The following ADAMTSL1 variants were observed in gnomAD, a reference collection of about 807,000 sequenced individuals.
ADAMTSL1 encodes the protein ADAMTS-like protein 1.
ADAMTSL1 carries 126 observed loss-of-function variants against 201.8 expected under a neutral mutation model. The observed-to-expected ratio is 0.62, with a 90% CI of 0.54 to 0.72. The LOEUF is 0.72. ADAMTSL1 is among the 30% of genes least tolerant of loss of function. The probability of loss-of-function intolerance (pLI) is 0.00; values close to 1 mark genes in which losing one functional copy is unlikely to be tolerated. For missense variants in ADAMTSL1, 2,679 were observed against 2,277.8 expected, an observed-to-expected ratio of 1.18 and a Z score of -3.59; for synonymous variants, 1,121 against 903.4, an observed-to-expected ratio of 1.24 and a Z score of -4.32.
intron 1 of ADAMTSL1, among the ~76,000 whole-genome samples, chr9:18,480,324 C>T (rs1397142610): frequency 6.6e-6 from 1 of 152,082 alleles, no homozygotes; most frequent in Non-Finnish European, 1.5e-5. Context: ...CTATATGGCA[C>T]TTGTAGGCCT....
chr9:18,770,696 T>A lies in ADAMTSL1; in HGVS notation c.2312T>A (p.Phe771Tyr). 1 of 1,613,800 alleles carries A rather than the reference T, an allele frequency of 6.2e-7. No individual in the cohort carries two copies. Among genetic ancestry groups the A allele is most frequent in the Non-Finnish European group, 8.5e-7 (1 of 1,179,846 alleles). The change falls in exon 17 of 29, where the codon TTC becomes TAC. Residue 771 changes from phenylalanine to tyrosine, a missense_variant. Coordinates refer to ENST00000380548, the MANE Select transcript of ADAMTSL1 (RefSeq NM_001040272.6). ...AGCTTCCTGGAGCTTCCTGAGACCT[T>A]CTGTTCAGCTTCAAAACCTGCCTGC... Reference protein sequence around the residue: ...DGSFLELPETFCSASKPACQQ... With the variant: ...DGSFLELPETYCSASKPACQQ...
In ADAMTSL1 at chr9:18,826,823, T is replaced by C. The variant is rs1824602446; in HGVS notation, c.4114+360T>C. On this transcript the variant is annotated intron_variant, in intron 22 of 28. Transcript: ENST00000380548. ...CAATTGTCCTTAACTCTTCCTGCAT[T>C]AAGGACTTCTTTGAGAATCAGATAA... Among the ~76,000 whole-genome samples the C allele has an allele frequency of 2.6e-5, 4 of 152,248 alleles. No homozygotes were observed. In the South Asian group the frequency reaches 8.3e-4, roughly 31 times the overall value.
intron 2 of ADAMTSL1, among the ~76,000 whole-genome samples, chr9:18,522,711 A>C (rs7019410): frequency 3.3e-5 from 5 of 150,322 alleles, no homozygotes; most frequent in Admixed American, 6.6e-5. Context: ...TTTTCCCTGC[A>C]ATAGTTTGCT....
At chr9:18,543,628 G>T (rs1820293904) in intron 3 of ADAMTSL1, among the ~76,000 whole-genome samples, 1 of 152,126 alleles carries the variant, frequency 6.6e-6, no homozygotes, top group African/African-American at 2.4e-5. Context: ...GAAAATATTT[G>T]CAGCAATTAC....
chr9:18,396,880 C>T lies in ADAMTSL1; in HGVS notation c.208-107949C>T, dbSNP rs118134126. On this transcript the variant is annotated intron_variant, in intron 2 of 29. Coordinates refer to the ADAMTSL1 transcript ENST00000680146. Reference sequence around the variant, plus strand: ...GACCCTGTCTCTTTTTGTTTAAAAACAAAAGCAAGAAACAAAACCTTAGTA... The same window carrying T: ...GACCCTGTCTCTTTTTGTTTAAAAATAAAAGCAAGAAACAAAACCTTAGTA... Among the ~76,000 whole-genome samples, 691 of 152,240 alleles carry T rather than the reference C, an allele frequency of 4.5e-3. 2 individuals carry two copies. Among genetic ancestry groups the T allele is most frequent in the Middle Eastern group, 0.01 (3 of 294 alleles).
chr9:18,179,394 G>T (rs1467500850), intron 2 of ADAMTSL1, among the ~76,000 whole-genome samples: 2 of 152,190 alleles, frequency 1.3e-5, no homozygotes, highest in African/African-American at 2.4e-5. Flanking sequence ...CCAAATCTAC[G>T]TCTGACTGGT....
At chr9:18,771,383 T>C (rs1024020262) in intron 17 of ADAMTSL1, among the ~76,000 whole-genome samples, 1 of 152,254 alleles carries the variant, frequency 6.6e-6, no homozygotes, top group African/African-American at 2.4e-5. Context: ...CCCGACTTTA[T>C]CTGCTAAGTT....
chr9:18,474,069 C>A (rs1049151697), upstream of ADAMTSL1: 9 of 578,242 alleles, frequency 1.6e-5, no homozygotes, highest in East Asian at 6.0e-5. Context: ...GCTTACCCCC[C>A]ACCCATCCAC....
chr9:18,861,862 A>G (rs1173521405), intron 23 of ADAMTSL1, among the ~76,000 whole-genome samples: 1 of 152,048 alleles, frequency 6.6e-6, no homozygotes, highest in Non-Finnish European at 1.5e-5. Context: ...CATGGCTCTC[A>G]TCCCTACTTC....
chr9:18,109,374 T>C lies in ADAMTSL1; in HGVS notation c.88-54488T>C, dbSNP rs977163458. On this transcript the variant is annotated intron_variant, in intron 1 of 29. Coordinates refer to the ADAMTSL1 transcript ENST00000680146. ...GGAAGAGTTTGGAGCCTGCACACAG[T>C]AGCCCAGGAAGTAGCTGACTGCAGT... 2.1e-4 allele frequency among the ~76,000 whole-genome samples: 32 copies of C among 152,104 alleles called. 1 individual carries two copies. Among genetic ancestry groups the C allele is most frequent in the African/African-American group, 7.5e-4 (31 of 41,434 alleles).
At chr9:18,562,869 G>C (rs895212793) in intron 3 of ADAMTSL1, among the ~76,000 whole-genome samples, 1 of 152,128 alleles carries the variant, frequency 6.6e-6, no homozygotes, top group Non-Finnish European at 1.5e-5. Context: ...GCACCATCAG[G>C]TCATTTATGT....
chr9:18,164,098 T>A (rs544740562), intron 2 of ADAMTSL1: 1 of 151,976 alleles, frequency 6.6e-6, no homozygotes, highest in Admixed American at 6.6e-5. Flanking sequence ...TTTTCTCACA[T>A]CTGTGAGAGG....
At chr9:18,169,995 A>T (rs981812730) in intron 2 of ADAMTSL1, among the ~76,000 whole-genome samples, 4 of 152,040 alleles carry the variant, frequency 2.6e-5, no homozygotes, top group African/African-American at 9.7e-5. Flanking sequence ...AGAAGCATAG[A>T]TTTGGTTACA....
intron 26 of ADAMTSL1, among the ~76,000 whole-genome samples, chr9:18,902,312 T>TC (rs1830059266): frequency 6.6e-6 from 1 of 152,204 alleles, no homozygotes; most frequent in Non-Finnish European, 1.5e-5. Context: ...ACTTGTTTTT[T>TC]CTCAAGTGCA....
intron 2 of ADAMTSL1, among the ~76,000 whole-genome samples, chr9:18,206,131 T>C (rs780130989): frequency 4.0e-5 from 6 of 149,852 alleles, no homozygotes; most frequent in Non-Finnish European, 8.9e-5. Context: ...CCATCATGAG[T>C]TTTATGTTAT....
chr9:18,111,648 C>T (rs569644), intron 1 of ADAMTSL1, among the ~76,000 whole-genome samples: 3 of 152,034 alleles, frequency 2.0e-5, no homozygotes, highest in Non-Finnish European at 4.4e-5. Flanking sequence ...AGACTGACCG[C>T]CATAAACAGA....
chr9:18,349,229 C>T lies in ADAMTSL1; in HGVS notation c.208-155600C>T, dbSNP rs188902680. ...AAATGAGACTTATGTGGATTGTTAT[C>T]GCTCTCATATACATGGGTGAACTTG... On this transcript the variant is annotated intron_variant, in intron 2 of 29. Transcript: ENST00000680146. 2.6e-5 allele frequency among the ~76,000 whole-genome samples: 4 copies of T among 152,256 alleles called. No individual in the cohort carries two copies. In the East Asian group the frequency reaches 7.7e-4, roughly 29 times the overall value.
At position 18,504,850 on chromosome 9, in the gene ADAMTSL1, G is replaced by A. The variant is rs749737333; in HGVS notation, c.85G>A (p.Glu29Lys). 1.7e-5 allele frequency: 28 copies of A among 1,614,016 alleles called. No homozygotes were observed. Among genetic ancestry groups the A allele is most frequent in the South Asian group, 2.2e-5 (2 of 91,080 alleles). Residue 29 changes from glutamate to lysine, a missense_variant, in exon 2 of 29, where the codon GAG becomes AAG. By Grantham distance (56) the Glu-to-Lys change is moderately conservative. Transcript: ENST00000380548. ...LLLSSRTARSEEDRDGLWDAW... is the reference protein window; with the variant it reads ...LLLSSRTARSKEDRDGLWDAW... ...ACAGAGTTCCAGGACCGCACGCTCC[G>A]AGGAGGACCGGGACGGCCTATGGGA...
intron 3 of ADAMTSL1, among the ~76,000 whole-genome samples, chr9:18,536,689 G>T (rs1186563739): frequency 1.3e-5 from 2 of 152,158 alleles, no homozygotes; most frequent in Non-Finnish European, 2.9e-5. Flanking sequence ...GAAGCAGCAA[G>T]GTGCTCCATC....
Sources: gnomAD v4.1 joint callset for allele counts (sites outside exome capture counted in the v4.1 genomes callset) on GRCh38, gnomAD v4.1.1 for gene constraint, MANE v1.5 for transcripts, NCBI Gene and HGNC (gene_info 2026-07-23, HGNC 2026-07-21) for gene names.